The following PAQR5 variants were observed in gnomAD, a reference collection of about 807,000 sequenced individuals.
The protein encoded by PAQR5 is membrane progestin receptor gamma.
Under a neutral mutation model 34.5 loss-of-function variants are expected in PAQR5, and 20 were observed. That is an observed-to-expected ratio of 0.58 (90% CI 0.41 to 0.84). The LOEUF (loss-of-function observed/expected upper bound fraction) is 0.84, where lower values mean the gene tolerates loss of function less well. PAQR5 is among the 40% of genes least tolerant of loss of function. The probability of loss-of-function intolerance (pLI) is 0.00; values close to 1 mark genes in which losing one functional copy is unlikely to be tolerated. For missense variants in PAQR5, 378 were observed against 412.7 expected, an observed-to-expected ratio of 0.92 and a Z score of 0.73; for synonymous variants, 131 against 155.6, an observed-to-expected ratio of 0.84 and a Z score of 1.18.
intron 4 of PAQR5, among the ~76,000 whole-genome samples, chr15:69,380,620 GA>G (rs1169035456): frequency 6.6e-6 from 1 of 152,168 alleles, no homozygotes; most frequent in Non-Finnish European, 1.5e-5. Flanking sequence ...CCAGGGAAGC[GA>G]AGAGGGGCCT....
chr15:69,328,500 C>T (rs2054304032), intron 1 of PAQR5, among the ~76,000 whole-genome samples: 1 of 152,178 alleles, frequency 6.6e-6, no homozygotes, highest in African/African-American at 2.4e-5. Flanking sequence ...GCCCGTGTCC[C>T]TCCTGGAGGA....
chr15:69,325,423 T>A (rs2054226810), intron 1 of PAQR5, among the ~76,000 whole-genome samples: 1 of 152,112 alleles, frequency 6.6e-6, no homozygotes, highest in Admixed American at 6.6e-5. Flanking sequence ...GAGTCTGCAA[T>A]AACCACTGCT....
At chr15:69,334,028 G>T (rs962108728) in intron 1 of PAQR5, among the ~76,000 whole-genome samples, 1 of 151,956 alleles carries the variant, frequency 6.6e-6, no homozygotes, top group Admixed American at 6.6e-5. Context: ...AAATAAAGAC[G>T]GTTTTTTTGT....
intron 1 of PAQR5, among the ~76,000 whole-genome samples, chr15:69,316,798 G>A (rs1203389741): frequency 1.3e-5 from 2 of 152,126 alleles, no homozygotes; most frequent in East Asian, 1.9e-4. Flanking sequence ...ATTAAGTGGG[G>A]TGTAAAATGC....
At position 69,332,595 on chromosome 15, in the gene PAQR5, A is replaced by G. The variant is rs192113758; in HGVS notation, c.-276-4746A>G. On this transcript the variant is annotated intron_variant, in intron 1 of 8. Transcript: ENST00000395407. Reference sequence around the variant, plus strand: ...GTAGCTGAGGCTTTGCTTTTTGACAATGGCAGCCTGAGTTTTAGTCTTGGC... The same window carrying G: ...GTAGCTGAGGCTTTGCTTTTTGACAGTGGCAGCCTGAGTTTTAGTCTTGGC... 5.5e-3 allele frequency among the ~76,000 whole-genome samples: 835 copies of G among 152,132 alleles called. 13 individuals are homozygous for G. Among genetic ancestry groups the G allele is most frequent in the African/African-American group, 0.019 (778 of 41,502 alleles).
At chr15:69,396,420 T>G (rs2056435470) in intron 6 of PAQR5, among the ~76,000 whole-genome samples, 1 of 152,016 alleles carries the variant, frequency 6.6e-6, no homozygotes, top group Non-Finnish European at 1.5e-5. Context: ...CCCAGATGCA[T>G]GCATTGCCTT....
chr15:69,300,645 CTT>C lies in PAQR5; in HGVS notation c.-277+1591_-277+1592del, dbSNP rs1566985430. On this transcript the variant is annotated intron_variant, in intron 1 of 8. Transcript: ENST00000395407. Reference sequence around the variant, plus strand: ...TCTTTCTTTCTTTCTTTCTTTCTTTCTTTCTTTTCTTTCTTTCTTTCATTCTT... The same window carrying C: ...TCTTTCTTTCTTTCTTTCTTTCTTTCTCTTTTCTTTCTTTCTTTCATTCTT... Among the ~76,000 whole-genome samples, 15 of 32,412 alleles carry C rather than the reference CTT, an allele frequency of 4.6e-4. 3 individuals carry two copies. The highest frequency in any genetic ancestry group is 3.2e-3 in the Admixed American group (9 of 2,782). 21.3% of individuals were successfully genotyped at this position (32,412 alleles called of 152,430 possible).
intron 5 of PAQR5, among the ~76,000 whole-genome samples, chr15:69,387,584 G>A (rs1380917522): frequency 6.6e-6 from 1 of 152,236 alleles, no homozygotes; most frequent in Non-Finnish European, 1.5e-5. Flanking sequence ...AGTCCCTGAG[G>A]TAGGTCCTAG....
chr15:69,371,723 T>C (rs1215233105), intron 3 of PAQR5, among the ~76,000 whole-genome samples: 1 of 152,184 alleles, frequency 6.6e-6, no homozygotes, highest in African/African-American at 2.4e-5. Flanking sequence ...TATGTGCGAC[T>C]CCTTTGGTTT....
chr15:69,375,697 A>T (rs757990577), intron 3 of PAQR5, among the ~76,000 whole-genome samples: 3 of 152,150 alleles, frequency 2.0e-5, no homozygotes, highest in Non-Finnish European at 4.4e-5. Flanking sequence ...TAAATGCCCT[A>T]ACCTCTCCAG....
chr15:69,363,564 T>A (rs2055303797), intron 3 of PAQR5, among the ~76,000 whole-genome samples: 1 of 112,332 alleles, frequency 8.9e-6, no homozygotes, highest in African/African-American at 3.4e-5. Flanking sequence ...TTTTTTTTTT[T>A]GAGACAGAGT....
chr15:69,390,345 TTTATTTATTTA>T (rs2056226337), intron 6 of PAQR5, among the ~76,000 whole-genome samples: 6 of 93,974 alleles, frequency 6.4e-5, no homozygotes, highest in South Asian at 3.7e-4. Flanking sequence ...TATTTATTTA[TTTATTTATTTA>T]TTTATTTTTT....
chr15:69,353,014 C>G (rs1219047163), intron 2 of PAQR5, among the ~76,000 whole-genome samples: 4 of 152,226 alleles, frequency 2.6e-5, no homozygotes, highest in Non-Finnish European at 5.9e-5. Context: ...CAGTCAGCCT[C>G]TTTCACCACC....
intron 4 of PAQR5, among the ~76,000 whole-genome samples, chr15:69,381,876 A>T (rs1384092701): frequency 6.6e-6 from 1 of 152,166 alleles, no homozygotes; most frequent in African/African-American, 2.4e-5. Flanking sequence ...TGCATATGAA[A>T]AGCTTTGTAG....
At chr15:69,386,258 A>ATC (rs1567035675) in intron 5 of PAQR5, among the ~76,000 whole-genome samples, 1 of 148,528 alleles carries the variant, frequency 6.7e-6, no homozygotes, top group African/African-American at 2.5e-5. Context: ...ACACACACAC[A>ATC]TCACACACAC....
At position 69,322,664 on chromosome 15, in the gene PAQR5, A is replaced by G. The variant is rs1370299191; in HGVS notation, c.-276-14677A>G. ...AGTGAGACCCTGTCTCAAAAAAAAA[A>G]AAAAAAAAAGAAGAAGAAGGAGAAG... On this transcript the variant is annotated intron_variant, in intron 1 of 8. Transcript: ENST00000395407. Among the ~76,000 whole-genome samples, 82 of 135,084 alleles carry G rather than the reference A, an allele frequency of 6.1e-4. 4 individuals are homozygous for G. The highest frequency in any genetic ancestry group is 1.8e-4 in the Non-Finnish European group (12 of 65,648). 88.6% of individuals were successfully genotyped at this position (135,084 alleles called of 152,430 possible).
At chr15:69,301,058 C>T (rs1202008948) in intron 1 of PAQR5, among the ~76,000 whole-genome samples, 1 of 147,300 alleles carries the variant, frequency 6.8e-6, no homozygotes, top group Non-Finnish European at 1.5e-5. Context: ...GGCTAGAGTG[C>T]AAGGGCGAGA....
intron 2 of PAQR5, among the ~76,000 whole-genome samples, chr15:69,355,792 T>C (rs2055062834): frequency 6.6e-6 from 1 of 152,142 alleles, no homozygotes; most frequent in Admixed American, 6.5e-5. Flanking sequence ...TTTTTTCCCC[T>C]GTGAAATGAA....
At chr15:69,389,098 G>C (rs1045830682) in intron 5 of PAQR5, among the ~76,000 whole-genome samples, 1 of 152,226 alleles carries the variant, frequency 6.6e-6, no homozygotes, top group African/African-American at 2.4e-5. Flanking sequence ...CCCAGCTGCT[G>C]CTATGACATC....
Sources: allele counts gnomAD v4.1 joint callset (sites outside exome capture counted in the v4.1 genomes callset), GRCh38; gene constraint gnomAD v4.1.1; transcripts MANE v1.5; gene names NCBI Gene and HGNC (gene_info 2026-07-23, HGNC 2026-07-21).